RASSF8: variants seen among roughly 807,000 people sequenced by gnomAD.
RASSF8 encodes the protein ras association domain-containing protein 8.
A neutral mutation model predicts 48.5 loss-of-function variants in RASSF8; 22 were observed. That is an observed-to-expected ratio of 0.45 (90% CI 0.32 to 0.65). The LOEUF (loss-of-function observed/expected upper bound fraction) is 0.65, where lower values mean the gene tolerates loss of function less well. Among genes scored for constraint, RASSF8 ranks in the 30% least tolerant of loss-of-function variants. RASSF8 has a pLI of 0.03. For synonymous variants in RASSF8, 127 were observed against 171.5 expected, an observed-to-expected ratio of 0.74 and a Z score of 2.03; for missense variants, 418 against 489.2, an observed-to-expected ratio of 0.85 and a Z score of 1.37.
chr12:26,003,987 G>A (rs1241474126), intron 2 of RASSF8, among the ~76,000 whole-genome samples: 2 of 151,976 alleles, frequency 1.3e-5, no homozygotes, highest in African/African-American at 4.8e-5. Flanking sequence ...GACCAGACAG[G>A]GCAACATGGT....
At chr12:26,058,490 G>A (rs1943659882) in intron 3 of RASSF8, among the ~76,000 whole-genome samples, 5 of 152,228 alleles carry the variant, frequency 3.3e-5, no homozygotes, top group East Asian at 1.9e-4. Context: ...AGGTTTAAGT[G>A]CGCGTCTTTG....
At chr12:25,985,727 TG>T (rs1941857403) in intron 1 of RASSF8, among the ~76,000 whole-genome samples, 1 of 152,108 alleles carries the variant, frequency 6.6e-6, no homozygotes, top group African/African-American at 2.4e-5. Context: ...AATTAATATT[TG>T]GGGGAGAGAA....
chr12:26,008,944 A>ATT (rs1942458223), intron 2 of RASSF8, among the ~76,000 whole-genome samples: 2 of 152,150 alleles, frequency 1.3e-5, no homozygotes, highest in Admixed American at 1.3e-4. Flanking sequence ...AAATGAGCAG[A>ATT]TATATCTGTA....
chr12:26,073,746 TATACACA>T (rs1174170327), downstream of RASSF8, among the ~76,000 whole-genome samples: 7 of 46,398 alleles, frequency 1.5e-4, no homozygotes, highest in African/African-American at 5.3e-4. Context: ...TCTCTCTCTC[TATACACA>T]CACACACACA....
chr12:26,035,176 C>A (rs1278921479), intron 2 of RASSF8, among the ~76,000 whole-genome samples: 1 of 151,866 alleles, frequency 6.6e-6, no homozygotes, highest in Non-Finnish European at 1.5e-5. Flanking sequence ...GCTTTCCAAC[C>A]AGTTTTACTC....
intron 1 of RASSF8, among the ~76,000 whole-genome samples, chr12:25,961,614 C>T (rs543418514): frequency 6.6e-6 from 1 of 152,184 alleles, no homozygotes; most frequent in South Asian, 2.1e-4. Context: ...CCACTTCAGC[C>T]TCTGTGATCT....
At chr12:25,998,182 A>G (rs938431432) in intron 2 of RASSF8, among the ~76,000 whole-genome samples, 1 of 152,158 alleles carries the variant, frequency 6.6e-6, no homozygotes, top group Non-Finnish European at 1.5e-5. Flanking sequence ...TTTTTATTTG[A>G]TGGCATTTTG....
intron 3 of RASSF8, among the ~76,000 whole-genome samples, chr12:26,057,315 C>T (rs1439606141): frequency 6.6e-6 from 1 of 152,138 alleles, no homozygotes; most frequent in East Asian, 1.9e-4. Context: ...GTGTGGTGTT[C>T]TCCACCCTGT....
At chr12:26,010,619 A>G (rs1192802712) in intron 2 of RASSF8, among the ~76,000 whole-genome samples, 1 of 152,200 alleles carries the variant, frequency 6.6e-6, no homozygotes, top group Non-Finnish European at 1.5e-5. Flanking sequence ...GATTAATTGA[A>G]TGTGCTTTAG....
At chr12:25,997,733 A>G (rs533113393) in intron 2 of RASSF8, among the ~76,000 whole-genome samples, 1 of 152,192 alleles carries the variant, frequency 6.6e-6, no homozygotes, top group African/African-American at 2.4e-5. Flanking sequence ...CAAGACGCAT[A>G]CTTGGAATCC....
chr12:25,986,560 G>A (rs531811310), intron 1 of RASSF8, among the ~76,000 whole-genome samples: 15 of 152,278 alleles, frequency 9.9e-5, no homozygotes, highest in African/African-American at 3.4e-4. Context: ...GGCCTATGAT[G>A]TGCAGGCTGC....
intron 2 of RASSF8, among the ~76,000 whole-genome samples, chr12:26,023,726 A>C (rs1388165278): frequency 6.6e-6 from 1 of 152,200 alleles, no homozygotes; most frequent in East Asian, 1.9e-4. Flanking sequence ...AAGATAGTAT[A>C]GATGTGTGTT....
At chr12:25,999,907 G>A (rs993316965) in intron 2 of RASSF8, among the ~76,000 whole-genome samples, 1 of 152,180 alleles carries the variant, frequency 6.6e-6, no homozygotes, top group African/African-American at 2.4e-5. Context: ...CCTGTAGAAA[G>A]GAAACTAGTG....
At chr12:26,036,895 G>A (rs905757266) in intron 2 of RASSF8, among the ~76,000 whole-genome samples, 14 of 151,624 alleles carry the variant, frequency 9.2e-5, no homozygotes, top group Non-Finnish European at 1.8e-4. Context: ...CAGCCTGGGC[G>A]ACAGAGCAAG....
chr12:26,068,552 T>TC (rs1943932563), intron 5 of RASSF8, 145 bp from the exon 6 acceptor site: 1 of 639,104 alleles, frequency 1.6e-6, no homozygotes, highest in Admixed American at 3.0e-5. Flanking sequence ...TTTAGCCTTC[T>TC]CCCCCAGCCC....
rs550171024 is a variant in RASSF8 at position 26,069,217 on chromosome 12, TTTA to T, written c.*402_*404del. On this transcript the variant is annotated 3_prime_UTR_variant, in exon 6 of 6. Transcript: ENST00000689635. ...GTGTGAATGTTGATGTTTTAATATT[TTTA>T]TTGACTTATCCTGTGACTGACTTAC... 49 of 968,658 alleles carry T rather than the reference TTTA, an allele frequency of 5.1e-5. No individual in the cohort carries two copies. In the African/African-American group the frequency reaches 7.7e-4, roughly 15 times the overall value. The allele number at this position is 968,658 out of a possible 1,614,324, so 60.0% of individuals were successfully genotyped here.
chr12:26,074,128 T>C (rs1461389636), downstream of RASSF8, among the ~76,000 whole-genome samples: 1 of 152,164 alleles, frequency 6.6e-6, no homozygotes, highest in South Asian at 2.1e-4. Context: ...TCTAAAATCA[T>C]GTTTTGTTAA....
At chr12:26,010,579 T>C (rs527879641) in intron 2 of RASSF8, among the ~76,000 whole-genome samples, 29 of 152,362 alleles carry the variant, frequency 1.9e-4, no homozygotes, top group African/African-American at 6.5e-4. Flanking sequence ...GCTCTTTCCT[T>C]AATTATCTCT....
chr12:26,051,158 A>G (rs1406111177), intron 2 of RASSF8, among the ~76,000 whole-genome samples: 1 of 152,236 alleles, frequency 6.6e-6, no homozygotes, highest in Admixed American at 6.5e-5. Context: ...CACTTTTCTC[A>G]TATTGAAATG....
Sources: gnomAD v4.1 joint callset for allele counts (sites outside exome capture counted in the v4.1 genomes callset) on GRCh38, gnomAD v4.1.1 for gene constraint, MANE v1.5 for transcripts, NCBI Gene and HGNC (gene_info 2026-07-23, HGNC 2026-07-21) for gene names.